Variants in TSHZ3 observed in about 807,000 individuals in gnomAD.
The protein encoded by TSHZ3 is teashirt homolog 3.
A neutral mutation model predicts 64.5 loss-of-function variants in TSHZ3; 10 were observed. The ratio of observed to expected loss-of-function variants is 0.16; its 90% CI spans 0.10 to 0.26. TSHZ3 has a LOEUF of 0.26. Among genes scored for constraint, TSHZ3 ranks in the 10% least tolerant of loss-of-function variants. The pLI, the probability that TSHZ3 is intolerant of heterozygous loss-of-function variation, is 1.00. For synonymous variants in TSHZ3, 608 were observed against 593.1 expected (o/e 1.03, Z -0.36); for missense variants, 1,242 against 1,421.7 (o/e 0.87, Z 2.03).
chr19:31,180,753 A>G (rs1974699753), intron 5 of TSHZ3, among the ~76,000 whole-genome samples: 1 of 152,132 alleles, frequency 6.6e-6, no homozygotes, highest in Non-Finnish European at 1.5e-5. Flanking sequence ...GGACGCTTTG[A>G]CAGGATTTCT....
At chr19:31,174,101 G>A (rs1490823307) in intron 5 of TSHZ3, among the ~76,000 whole-genome samples, 3 of 152,110 alleles carry the variant, frequency 2.0e-5, no homozygotes, top group African/African-American at 7.2e-5. Context: ...AAAAAAAATT[G>A]GCTCATGTGA....
intron 1 of TSHZ3, among the ~76,000 whole-genome samples, chr19:31,258,988 G>A (rs1166069384): frequency 6.6e-6 from 1 of 152,162 alleles, no homozygotes; most frequent in Non-Finnish European, 1.5e-5. Context: ...CAGCCCCACG[G>A]TCTTGCTTAC....
intron 4 of TSHZ3, among the ~76,000 whole-genome samples, chr19:31,215,857 C>A (rs747238399): frequency 6.6e-6 from 1 of 151,346 alleles, no homozygotes; most frequent in Non-Finnish European, 1.5e-5. Flanking sequence ...GGCGACAAAG[C>A]GAGACTCTGT....
intron 1 of TSHZ3, among the ~76,000 whole-genome samples, chr19:31,331,888 C>G (rs1183404567): frequency 6.6e-6 from 1 of 152,208 alleles, no homozygotes; most frequent in Non-Finnish European, 1.5e-5. Context: ...GCCTCCCTGA[C>G]TGCAGAAGAT....
intron 1 of TSHZ3, among the ~76,000 whole-genome samples, chr19:31,256,360 T>C (rs28407521): frequency 0.35 from 52,802 of 151,820 alleles, 13,423 homozygotes; most frequent in African/African-American, 0.71. Context: ...TCTGCGGGGG[T>C]CCTTTTCCAG....
Position 31,279,135 on chromosome 19 carries a change from T to A in TSHZ3, c.658A>T (p.Ser220Cys). The A allele has an allele frequency of 2.5e-6, 4 of 1,613,644 alleles. No homozygotes were observed. Among genetic ancestry groups the A allele is most frequent in the Non-Finnish European group, 3.4e-6 (4 of 1,179,624 alleles). ...TCCACCAGGGTGTCGTAGGCAGCGC[T>A]GCAGTCCTTACAGCGGAACTTGCTG... The part of the protein sequence containing the change: ...GASKFRCKDC[S>C]AAYDTLVELT... The change falls in exon 2 of 2, where the codon AGC (serine) becomes TGC (cysteine). Residue 220 changes from serine (S) to cysteine (C), a missense_variant. This residue lies in a region of TSHZ3 where 555 missense variants were observed against 704.0 expected (regional missense o/e 0.79). Coordinates refer to ENST00000240587, the MANE Select transcript of TSHZ3 (RefSeq NM_020856.4). The surrounding 1 kb of genome is among the most constrained non-coding windows in gnomAD (Gnocchi z 6.4).
chr19:31,177,604 C>T (rs372746482), intron 5 of TSHZ3, among the ~76,000 whole-genome samples: 63 of 152,354 alleles, frequency 4.1e-4, no homozygotes, highest in Middle Eastern at 3.4e-3. Flanking sequence ...TTGGAAATTC[C>T]ACGATGAGCT....
At chr19:31,285,097 C>T (rs145442888) in intron 1 of TSHZ3, among the ~76,000 whole-genome samples, 3 of 152,146 alleles carry the variant, frequency 2.0e-5, no homozygotes, top group Admixed American at 2.0e-4. Context: ...GAACCCACCA[C>T]CAAGGAAGAT....
At chr19:31,295,296 T>G (rs1976643398) in intron 1 of TSHZ3, among the ~76,000 whole-genome samples, 1 of 152,224 alleles carries the variant, frequency 6.6e-6, no homozygotes, top group South Asian at 2.1e-4. Context: ...CTGGCAATTC[T>G]ATTCCTAGAT....
intron 1 of TSHZ3, among the ~76,000 whole-genome samples, chr19:31,255,489 G>A (rs573005901): frequency 6.6e-6 from 1 of 152,214 alleles, no homozygotes; most frequent in Admixed American, 6.5e-5. Flanking sequence ...TCAAATCACT[G>A]CGCTTACCAC....
intron 1 of TSHZ3, among the ~76,000 whole-genome samples, chr19:31,323,681 C>G (rs1287739509): frequency 6.6e-6 from 1 of 152,016 alleles, no homozygotes; most frequent in Non-Finnish European, 1.5e-5. Flanking sequence ...AAGAAATGTC[C>G]ACATCTAGAC....
At chr19:31,183,898 T>C (rs538331868) in intron 5 of TSHZ3, among the ~76,000 whole-genome samples, 9 of 152,186 alleles carry the variant, frequency 5.9e-5, no homozygotes, top group Non-Finnish European at 1.3e-4. Flanking sequence ...AGCACTAAAG[T>C]AATACCAGTA....
At chr19:31,309,014 G>A (rs1363494297) in intron 1 of TSHZ3, among the ~76,000 whole-genome samples, 2 of 152,234 alleles carry the variant, frequency 1.3e-5, no homozygotes, top group African/African-American at 4.8e-5. Flanking sequence ...TCTTCTGTGA[G>A]CCAGTGACCA....
chr19:31,251,264 G>A (rs1230998398), intron 1 of TSHZ3, among the ~76,000 whole-genome samples: 1 of 152,126 alleles, frequency 6.6e-6, no homozygotes, highest in East Asian at 1.9e-4. Context: ...GTCTGCCTGG[G>A]ACCTGCATCC....
At chr19:31,241,958 T>C (rs1170263793) in intron 3 of TSHZ3, among the ~76,000 whole-genome samples, 1 of 152,212 alleles carries the variant, frequency 6.6e-6, no homozygotes, top group African/African-American at 2.4e-5. Flanking sequence ...GATCAGGCAA[T>C]CTGCCCTGTC....
chr19:31,210,315 T>G (rs1975246678), intron 4 of TSHZ3, among the ~76,000 whole-genome samples: 3 of 152,120 alleles, frequency 2.0e-5, no homozygotes, highest in South Asian at 4.1e-4. Context: ...TTGCACCTGT[T>G]TTTTTCTTCT....
chr19:31,165,082 C>T (rs1974428437), intron 5 of TSHZ3, among the ~76,000 whole-genome samples: 1 of 152,218 alleles, frequency 6.6e-6, no homozygotes, highest in Admixed American at 6.5e-5. Context: ...TGTCACCTGG[C>T]CCCTGTCGTC....
chr19:31,199,414 A>G (rs1324124702), intron 5 of TSHZ3, among the ~76,000 whole-genome samples: 7 of 151,142 alleles, frequency 4.6e-5, no homozygotes, highest in Non-Finnish European at 8.8e-5. Flanking sequence ...AAAAAAAAAA[A>G]AAAAAAAAGA....
Position 31,276,857 on chromosome 19 carries a change from T to G in TSHZ3, c.2936A>C (p.Asn979Thr). 1 of 1,614,162 alleles carries G rather than the reference T, an allele frequency of 6.2e-7. No homozygotes were observed. The highest frequency in any genetic ancestry group is 1.3e-5 in the African/African-American group (1 of 75,044). Reference sequence around the variant, plus strand: ...AGTCCTGATTTGGGACGCACAATCGTTACAAAAGAAGACGGGGTGGCCAGT... The same window carrying G: ...AGTCCTGATTTGGGACGCACAATCGGTACAAAAGAAGACGGGGTGGCCAGT... ...LDTGHPVFFC[N>T]DCASQIRTPS... is the part of the protein sequence containing the mutation. The change falls in exon 2 of 2, where the codon AAC becomes ACC. Residue 979 changes from asparagine (N) to threonine (T), a missense_variant. Coordinates refer to ENST00000240587, the MANE Select transcript of TSHZ3 (RefSeq NM_020856.4).
Sources: allele counts gnomAD v4.1 joint callset (sites outside exome capture counted in the v4.1 genomes callset), GRCh38; gene constraint gnomAD v4.1.1; regional missense constraint gnomAD v4.1.1; non-coding constraint Gnocchi (gnomAD v3.1); transcripts MANE v1.5; gene names NCBI Gene and HGNC (gene_info 2026-07-23, HGNC 2026-07-21).